Variants in PLD1 observed in about 807,000 individuals in gnomAD.
PLD1 encodes phospholipase D1.
A neutral mutation model predicts 137.1 loss-of-function variants in PLD1; 112 were observed. The observed-to-expected ratio is 0.82, with a 90% CI of 0.70 to 0.96. The LOEUF (loss-of-function observed/expected upper bound fraction) is 0.96. PLD1 is among the 40% of genes least tolerant of loss of function. The probability of loss-of-function intolerance (pLI) is 0.00; values close to 1 mark genes in which losing one functional copy is unlikely to be tolerated. For missense variants in PLD1, 1,321 were observed against 1,342.0 expected (o/e 0.98, Z 0.24); for synonymous variants, 431 against 454.7 (o/e 0.95, Z 0.66).
rs1321709353 is a variant in PLD1 at position 171,603,237 on chromosome 3, C to A, written c.3066G>T (p.Lys1022Asn). ...TGGGATCTTCCTTAGCTAATACGGG[C>A]TTGTTTATAAAGTCTCTCAGCTGAA... is the stretch of plus-strand genomic sequence containing the variant. The part of the protein sequence containing the change: ...NLIQLRDFIN[K>N]PVLAKEDPIR... Residue 1022 changes from lysine to asparagine, a missense_variant, in exon 27 of 27, where the codon AAG (lysine) becomes AAT (asparagine). Transcript: ENST00000351298. 1.2e-6 allele frequency: 2 copies of A among 1,614,006 alleles called. No individual in the cohort carries two copies. The highest frequency in any genetic ancestry group is 1.7e-6 in the Non-Finnish European group (2 of 1,179,960).
chr3:171,731,310 T>C (rs6773529), intron 6 of PLD1, among the ~76,000 whole-genome samples: 128,850 of 152,194 alleles, frequency 0.85, 54,963 homozygotes, highest in African/African-American at 0.9. Context: ...GAAGAAAACA[T>C]GTAAATTCCA....
At chr3:171,800,103 T>C (rs1353489607) in intron 1 of PLD1, among the ~76,000 whole-genome samples, 3 of 152,254 alleles carry the variant, frequency 2.0e-5, no homozygotes, top group Non-Finnish European at 4.4e-5. Flanking sequence ...CATATACCTA[T>C]GTGAGATGTT....
At chr3:171,665,810 T>C (rs1441941002) in intron 19 of PLD1, among the ~76,000 whole-genome samples, 1 of 152,094 alleles carries the variant, frequency 6.6e-6, no homozygotes, top group Non-Finnish European at 1.5e-5. Flanking sequence ...ATGAGGGGTT[T>C]CCTACCTCCT....
At chr3:171,740,131 A>G (rs1459506626) in intron 1 of PLD1, among the ~76,000 whole-genome samples, 1 of 152,174 alleles carries the variant, frequency 6.6e-6, no homozygotes, top group Non-Finnish European at 1.5e-5. Flanking sequence ...AAGAGATGCC[A>G]TAAAAGTATT....
intron 1 of PLD1, among the ~76,000 whole-genome samples, chr3:171,801,266 A>G (rs1723634460): frequency 6.6e-6 from 1 of 152,226 alleles, no homozygotes; most frequent in African/African-American, 2.4e-5. Context: ...AAGAGGGGCT[A>G]TTGCAAATAC....
chr3:171,659,409 T>C (rs1737483766), intron 20 of PLD1, 108 bp from the exon 21 acceptor site: 1 of 717,382 alleles, frequency 1.4e-6, no homozygotes, highest in Admixed American at 2.3e-5. Context: ...GCAGATGTGT[T>C]CTGATCACTG....
In PLD1 at chr3:171,602,102, A is replaced by C; in HGVS notation, c.*976T>G. On this transcript the variant is annotated 3_prime_UTR_variant, in exon 27 of 27. Transcript: ENST00000351298. ...GATGCCTCTGATTCTCTTGAAAGAC[A>C]AACTGTATTCACTAGTTTGATTTTG... 6.6e-6 allele frequency: 1 copy of C among 152,222 alleles called. No individual in the cohort carries two copies. The allele number at this position is 152,222 out of a possible 1,614,324, so 9.4% of individuals were successfully genotyped here. A position where few individuals can be genotyped will look rare whatever the true frequency, so the allele number is the denominator to read the frequency against.
chr3:171,722,934 T>A (rs945671074), intron 8 of PLD1, among the ~76,000 whole-genome samples: 11 of 152,164 alleles, frequency 7.2e-5, no homozygotes, highest in Non-Finnish European at 1.5e-4. Context: ...TACAAGCATA[T>A]AATGTGTAAT....
rs369667341 is a variant in PLD1, at chr3:171,677,465, A to C, written c.1996+101T>G. On this transcript the variant is annotated intron_variant, in intron 17 of 26. Transcript: ENST00000351298. ...TAAAAAATTTTCAAAAATCAACGGA[A>C]GCAAAACAAAAGGCATTTAGATCAT... 1.0e-4 allele frequency: 126 copies of C among 1,225,178 alleles called. 2 individuals carry two copies. In the South Asian group the frequency reaches 1.9e-3, roughly 18 times the overall value. The allele number at this position is 1,225,178 out of a possible 1,614,324, so 75.9% of individuals were successfully genotyped here.
chr3:171,716,368 A>G (rs909782741), intron 8 of PLD1, among the ~76,000 whole-genome samples: 1 of 152,132 alleles, frequency 6.6e-6, no homozygotes, highest in Non-Finnish European at 1.5e-5. Context: ...GCATATAAGC[A>G]TTTCCTTTTC....
At chr3:171,796,498 A>G (rs1723443297) in intron 1 of PLD1, among the ~76,000 whole-genome samples, 4 of 152,232 alleles carry the variant, frequency 2.6e-5, no homozygotes, top group Admixed American at 2.6e-4. Context: ...ATCAACAAAT[A>G]TACGAATGCC....
chr3:171,649,796 C>T (rs1736570984), intron 21 of PLD1, among the ~76,000 whole-genome samples: 7 of 151,990 alleles, frequency 4.6e-5, no homozygotes. Context: ...TATGGCAGTG[C>T]TACGTATAAT....
At chr3:171,701,405 G>T (rs1276550101) in intron 11 of PLD1, among the ~76,000 whole-genome samples, 4 of 152,166 alleles carry the variant, frequency 2.6e-5, no homozygotes, top group Non-Finnish European at 5.9e-5. Flanking sequence ...GTGAGAGATA[G>T]CCAACAACAT....
At chr3:171,677,726 G>A in intron 16 of PLD1, 32 bp from the exon 17 acceptor site, 1 of 1,600,252 alleles carries the variant, frequency 6.2e-7, no homozygotes, top group Non-Finnish European at 8.5e-7. Flanking sequence ...CTCAGAGACT[G>A]TGGTTCAGGT....
chr3:171,689,581 G>A (rs1714942937), intron 13 of PLD1, among the ~76,000 whole-genome samples: 1 of 151,880 alleles, frequency 6.6e-6, no homozygotes, highest in Non-Finnish European at 1.5e-5. Context: ...GCTCACTGCA[G>A]CCTTGAATTC....
At chr3:171,754,199 G>A (rs149487899) in intron 1 of PLD1, among the ~76,000 whole-genome samples, 154 of 152,266 alleles carry the variant, frequency 1.0e-3, no homozygotes, top group African/African-American at 3.5e-3. Flanking sequence ...CTGAGTCACT[G>A]GTGTCTATTG....
intron 11 of PLD1, among the ~76,000 whole-genome samples, chr3:171,702,741 CTTTACAGAATTTATTAAACA>C (rs1305284962): frequency 2.0e-5 from 3 of 152,202 alleles, no homozygotes; most frequent in Non-Finnish European, 4.4e-5. Context: ...ACTTTGCCAA[CTTTACAGAATTTATTAAACA>C]TTTACAGAAT....
intron 23 of PLD1, among the ~76,000 whole-genome samples, chr3:171,641,141 G>C (rs1306722551): frequency 6.6e-6 from 1 of 152,156 alleles, no homozygotes; most frequent in Non-Finnish European, 1.5e-5. Flanking sequence ...TTTTCACCCT[G>C]ATTTGAGCAG....
intron 24 of PLD1, among the ~76,000 whole-genome samples, chr3:171,617,466 G>C (rs1733212723): frequency 6.6e-6 from 1 of 152,176 alleles, no homozygotes; most frequent in African/African-American, 2.4e-5. Context: ...GTGATCTCTG[G>C]GAGGGCAGTG....
Sources: gnomAD v4.1 joint callset for allele counts (sites outside exome capture counted in the v4.1 genomes callset) on GRCh38, gnomAD v4.1.1 for gene constraint, MANE v1.5 for transcripts, NCBI Gene and HGNC (gene_info 2026-07-23, HGNC 2026-07-21) for gene names.